SCD5: variants seen among roughly 807,000 people sequenced by gnomAD.
SCD5 encodes the protein acyl-CoA-desaturase 4.
A neutral mutation model predicts 30.4 loss-of-function variants in SCD5; 20 were observed. The ratio of observed to expected loss-of-function variants is 0.66; its 90% CI spans 0.46 to 0.96. The LOEUF (loss-of-function observed/expected upper bound fraction) is 0.96, where lower values mean the gene tolerates loss of function less well. SCD5 is among the 40% of genes least tolerant of loss of function. SCD5 has a pLI of 0.00. For missense variants in SCD5, 381 were observed against 443.3 expected (o/e 0.86, Z 1.26); for synonymous variants, 173 against 176.4 (o/e 0.98, Z 0.16).
intron 1 of SCD5, among the ~76,000 whole-genome samples, chr4:82,735,676 C>G (rs1401188691): frequency 6.6e-6 from 1 of 152,208 alleles, no homozygotes; most frequent in African/African-American, 2.4e-5. Context: ...TGCTGTCACT[C>G]ACCGATTCAC....
At chr4:82,656,982 A>G (rs1179135624) in intron 3 of SCD5, among the ~76,000 whole-genome samples, 1 of 152,114 alleles carries the variant, frequency 6.6e-6, no homozygotes. Context: ...AGTTCTTTGT[A>G]GATTCTGGAT....
Position 82,636,904 on chromosome 4 carries a change from G to A in SCD5, c.570-81C>T. On this transcript the variant is annotated intron_variant, in intron 3 of 4. Coordinates refer to ENST00000319540, the MANE Select transcript of SCD5 (RefSeq NM_001037582.3). ...GCTGAGCAAGTCACAGGAAAAGTCA[G>A]AAAAAAGCCCAGGGAGAGAACTGTG... 9 of 1,219,694 alleles carry A rather than the reference G, an allele frequency of 7.4e-6. No homozygotes were observed. In the Admixed American group the frequency reaches 7.6e-5, roughly 10 times the overall value. The allele number at this position is 1,219,694 out of a possible 1,614,324, so 75.6% of individuals were successfully genotyped here.
intron 1 of SCD5, among the ~76,000 whole-genome samples, chr4:82,782,514 G>A (rs1377648572): frequency 2.6e-5 from 4 of 151,990 alleles, no homozygotes; most frequent in Non-Finnish European, 5.9e-5. Flanking sequence ...CTCTCCCAAG[G>A]TGCAGGTTAA....
intron 1 of SCD5, among the ~76,000 whole-genome samples, chr4:82,759,648 T>TAAAAAAAAAA (rs70938309): frequency 2.4e-5 from 3 of 125,580 alleles, no homozygotes; most frequent in Non-Finnish European, 3.3e-5. Context: ...AACCCCGTCT[T>TAAAAAAAAAA]AAAAAAAAAA....
At chr4:82,690,244 C>T (rs986463563) in intron 2 of SCD5, among the ~76,000 whole-genome samples, 3 of 151,950 alleles carry the variant, frequency 2.0e-5, no homozygotes, top group African/African-American at 7.3e-5. Context: ...CCAAATGATT[C>T]ATAAAAAAAG....
chr4:82,766,862 G>A (rs955253876), intron 1 of SCD5, among the ~76,000 whole-genome samples: 1 of 152,106 alleles, frequency 6.6e-6, no homozygotes, highest in African/African-American at 2.4e-5. Flanking sequence ...ATTTTTAGTA[G>A]AGATGGCGTT....
chr4:82,761,801 A>G (rs1721376794), intron 1 of SCD5, among the ~76,000 whole-genome samples: 1 of 151,484 alleles, frequency 6.6e-6, no homozygotes, highest in Non-Finnish European at 1.5e-5. Flanking sequence ...TCATTGTTCA[A>G]TTCCCACCTA....
chr4:82,693,803 G>C (rs1719619816), intron 2 of SCD5, among the ~76,000 whole-genome samples: 1 of 152,178 alleles, frequency 6.6e-6, no homozygotes, highest in African/African-American at 2.4e-5. Flanking sequence ...GGCTGAGGGG[G>C]CTGAGGGCAG....
At chr4:82,673,823 A>G (rs946354383) in intron 3 of SCD5, among the ~76,000 whole-genome samples, 1 of 152,224 alleles carries the variant, frequency 6.6e-6, no homozygotes, top group Non-Finnish European at 1.5e-5. Context: ...TCAATGAATC[A>G]TAACAGAGAG....
chr4:82,681,705 T>C (rs886748398), intron 2 of SCD5, among the ~76,000 whole-genome samples: 1 of 151,960 alleles, frequency 6.6e-6, no homozygotes, highest in Non-Finnish European at 1.5e-5. Flanking sequence ...GGTGATGAAA[T>C]AATCTGTACA....
intron 1 of SCD5, among the ~76,000 whole-genome samples, chr4:82,737,670 GA>G (rs954070623): frequency 6.6e-6 from 1 of 151,974 alleles, no homozygotes; most frequent in Non-Finnish European, 1.5e-5. Context: ...TGTGCTACTG[GA>G]AAAAAATCAG....
At chr4:82,656,234 C>T (rs1034823492) in intron 3 of SCD5, among the ~76,000 whole-genome samples, 9 of 152,242 alleles carry the variant, frequency 5.9e-5, no homozygotes, top group Admixed American at 3.9e-4. Flanking sequence ...TCTCCTAATG[C>T]TATCCCTCCC....
intron 3 of SCD5, among the ~76,000 whole-genome samples, chr4:82,643,957 T>G (rs1727592188): frequency 6.6e-6 from 1 of 152,224 alleles, no homozygotes. Context: ...TAACCAATCC[T>G]GGAGGTGCTT....
chr4:82,733,152 C>A (rs778642965), intron 1 of SCD5, among the ~76,000 whole-genome samples: 1 of 152,148 alleles, frequency 6.6e-6, no homozygotes, highest in Non-Finnish European at 1.5e-5. Flanking sequence ...AGTAACTGGG[C>A]GTACTCACAG....
intron 1 of SCD5, among the ~76,000 whole-genome samples, chr4:82,761,337 T>TA (rs1721358845): frequency 6.6e-6 from 1 of 152,164 alleles, no homozygotes; most frequent in African/African-American, 2.4e-5. Context: ...CTTAGTCCAA[T>TA]ATGTTCTGTC....
chr4:82,674,556 CA>C (rs1372994928), intron 3 of SCD5, among the ~76,000 whole-genome samples: 1 of 152,180 alleles, frequency 6.6e-6, no homozygotes, highest in East Asian at 1.9e-4. Context: ...CTTTGGAAGA[CA>C]GTTTGGCTGT....
intron 1 of SCD5, among the ~76,000 whole-genome samples, chr4:82,720,441 T>TAAAA (rs1553917690): frequency 1.2e-4 from 9 of 77,890 alleles, no homozygotes; most frequent in East Asian, 4.0e-4. Context: ...AAGGCAAAAA[T>TAAAA]AAAAAAAAAA....
chr4:82,794,572 A>G lies in SCD5; in HGVS notation c.232+3734T>C, dbSNP rs538987003. ...TTGACTAACTGTCCCTTTGGCCAGA[A>G]ACTCTCAAGCAGGCATTTTTGTGAG... On this transcript the variant is annotated intron_variant, in intron 1 of 4. Coordinates refer to ENST00000319540, the MANE Select transcript of SCD5 (RefSeq NM_001037582.3). Among the ~76,000 whole-genome samples the G allele has an allele frequency of 1.2e-4, 19 of 152,214 alleles. No homozygotes were observed. In the South Asian group the frequency reaches 3.7e-3, roughly 30 times the overall value.
At chr4:82,643,831 C>T (rs1163559199) in intron 3 of SCD5, among the ~76,000 whole-genome samples, 4 of 152,164 alleles carry the variant, frequency 2.6e-5, no homozygotes, top group Non-Finnish European at 4.4e-5. Context: ...ACACCCAGTC[C>T]GGCAACAGCC....
Sources: allele counts gnomAD v4.1 joint callset (sites outside exome capture counted in the v4.1 genomes callset), GRCh38; gene constraint gnomAD v4.1.1; transcripts MANE v1.5; gene names NCBI Gene and HGNC (gene_info 2026-07-23, HGNC 2026-07-21).